Variants in DDX10 observed in about 807,000 individuals in gnomAD.
DDX10 encodes the protein DEAD-box helicase 10.
In DDX10, 74 loss-of-function variants were observed where a neutral mutation model predicts 104.3. That is an observed-to-expected ratio of 0.71 (90% confidence interval 0.59 to 0.86). DDX10 has a LOEUF of 0.86. Ranked by LOEUF, DDX10 falls within the 40% of genes least tolerant of loss-of-function variation. The pLI is 0.00. For missense variants in DDX10, 952 were observed against 1,040.0 expected (o/e 0.92, Z 1.16); for synonymous variants, 351 against 353.4 (o/e 0.99, Z 0.08).
intron 9 of DDX10, among the ~76,000 whole-genome samples, chr11:108,696,362 A>C (rs771590950): frequency 6.6e-6 from 1 of 152,102 alleles, no homozygotes; most frequent in Non-Finnish European, 1.5e-5. Context: ...TTTTTAGTAG[A>C]GATGGCGTTT....
At chr11:108,859,208 C>G (rs1862909032) in intron 16 of DDX10, among the ~76,000 whole-genome samples, 1 of 152,070 alleles carries the variant, frequency 6.6e-6, no homozygotes, top group African/African-American at 2.4e-5. Context: ...GCCATTAACT[C>G]TGAGAATAAG....
chr11:108,919,506 C>T (rs1415989518), intron 17 of DDX10: 2 of 152,148 alleles, frequency 1.3e-5, no homozygotes, highest in East Asian at 1.9e-4. Flanking sequence ...TATAAATGCA[C>T]CTCTTTTAGA....
At chr11:108,787,512 C>T (rs1051803420) in intron 13 of DDX10, among the ~76,000 whole-genome samples, 8 of 152,110 alleles carry the variant, frequency 5.3e-5, no homozygotes, top group Non-Finnish European at 7.4e-5. Context: ...CACATAATCC[C>T]ATATTACTCA....
rs1267407857 is a variant in DDX10, at chr11:108,915,432, G to GT, written c.2305-2428dup. Among the ~76,000 whole-genome samples, 609 of 116,956 alleles carry GT rather than the reference G, an allele frequency of 5.2e-3. 5 individuals are homozygous for GT. Among genetic ancestry groups the GT allele is most frequent in the African/African-American group, 0.019 (475 of 25,476 alleles). The allele number at this position is 116,956 out of a possible 152,430, so 76.7% of individuals were successfully genotyped here. Reference sequence around the variant, plus strand: ...CAGCTTCCCAATACTAAAAAGGCTTGTTTTTTTTTTTTTGGTTTTTTTTTT... The same window carrying GT: ...CAGCTTCCCAATACTAAAAAGGCTTGTTTTTTTTTTTTTTGGTTTTTTTTTT... On this transcript the variant is annotated intron_variant, in intron 16 of 17. Coordinates refer to ENST00000322536, the MANE Select transcript of DDX10 (RefSeq NM_004398.4).
chr11:108,831,216 C>T (rs1727641246), intron 13 of DDX10, among the ~76,000 whole-genome samples: 1 of 151,918 alleles, frequency 6.6e-6, no homozygotes, highest in Admixed American at 6.5e-5. Context: ...CCATCCTGGC[C>T]AACATGGTGA....
intron 13 of DDX10, among the ~76,000 whole-genome samples, chr11:108,745,177 C>T (rs1161203296): frequency 7.3e-6 from 1 of 136,668 alleles, no homozygotes; most frequent in Non-Finnish European, 1.6e-5. Flanking sequence ...TTCCTCCCTC[C>T]CCTCCCCTCC....
At position 108,894,786 on chromosome 11, in the gene DDX10, A is replaced by G. The variant is rs573656890; in HGVS notation, c.2305-23087A>G. 2.6e-5 allele frequency among the ~76,000 whole-genome samples: 4 copies of G among 152,170 alleles called. No homozygotes were observed. In the South Asian group the frequency reaches 8.3e-4, roughly 32 times the overall value. ...AAGGACAACTATGTGACTTTTTAAT[A>G]AAATAGTTATTATGAAATTTTGAGG... On this transcript the variant is annotated intron_variant, in intron 16 of 17. Coordinates refer to ENST00000322536, the MANE Select transcript of DDX10 (RefSeq NM_004398.4).
At chr11:108,888,877 T>G (rs1863337957) in intron 16 of DDX10, among the ~76,000 whole-genome samples, 1 of 152,168 alleles carries the variant, frequency 6.6e-6, no homozygotes, top group African/African-American at 2.4e-5. Context: ...TACAAGGTAG[T>G]ATGATTTAGT....
At chr11:108,846,423 C>T (rs1862718966) in intron 15 of DDX10, among the ~76,000 whole-genome samples, 1 of 152,158 alleles carries the variant, frequency 6.6e-6, no homozygotes, top group Admixed American at 6.5e-5. Flanking sequence ...TGCCCATCTC[C>T]CCTGCAAGCC....
intron 13 of DDX10, among the ~76,000 whole-genome samples, chr11:108,768,328 A>T (rs573832044): frequency 8.5e-5 from 13 of 152,284 alleles, no homozygotes; most frequent in Non-Finnish European, 1.3e-4. Flanking sequence ...TTGGGATGAA[A>T]GAATGAATTA....
chr11:108,912,847 A>G (rs1483437684), intron 16 of DDX10, among the ~76,000 whole-genome samples: 3 of 152,066 alleles, frequency 2.0e-5, no homozygotes, highest in East Asian at 3.9e-4. Flanking sequence ...CTATTCCTCT[A>G]CCTCCACCTC....
At chr11:108,773,189 GA>G (rs1329843510) in intron 13 of DDX10, among the ~76,000 whole-genome samples, 2 of 152,174 alleles carry the variant, frequency 1.3e-5, no homozygotes, top group Non-Finnish European at 2.9e-5. Context: ...TTATTGTTAT[GA>G]ACTTACGATA....
chr11:108,821,649 A>C (rs1862326631), intron 13 of DDX10, among the ~76,000 whole-genome samples: 1 of 152,172 alleles, frequency 6.6e-6, no homozygotes, highest in African/African-American at 2.4e-5. Flanking sequence ...CAGTTGCTCT[A>C]CTTTTGAAAG....
Position 108,754,918 on chromosome 11 carries a change from T to G in DDX10, c.1965+31456T>G, listed in dbSNP as rs571935078. On this transcript the variant is annotated intron_variant, in intron 13 of 17. Transcript: ENST00000322536. ...ACTGATACATTTACATCTGTTTAAT[T>G]TGAATATGCTAGCTCAAGTGAGCTC... is the stretch of plus-strand genomic sequence containing the variant. Among the ~76,000 whole-genome samples the G allele has an allele frequency of 7.2e-5, 11 of 152,170 alleles. No individual in the cohort carries two copies. The South Asian group carries it at 2.3e-3, about 32-fold the overall frequency.
chr11:108,756,476 A>G (rs981364513), intron 13 of DDX10, among the ~76,000 whole-genome samples: 17 of 152,046 alleles, frequency 1.1e-4, no homozygotes, highest in African/African-American at 3.9e-4. Flanking sequence ...ACTCAAGTTA[A>G]TTTACTCCAC....
At chr11:108,681,998 A>T (rs1462483064) in intron 6 of DDX10, among the ~76,000 whole-genome samples, 1 of 151,964 alleles carries the variant, frequency 6.6e-6, no homozygotes, top group Non-Finnish European at 1.5e-5. Flanking sequence ...CCCTTTAGAT[A>T]AATTAATTAT....
chr11:108,849,886 A>G (rs1016549768), intron 15 of DDX10, among the ~76,000 whole-genome samples: 2 of 152,116 alleles, frequency 1.3e-5, no homozygotes, highest in African/African-American at 4.8e-5. Flanking sequence ...GTCATATGTC[A>G]TAAACCGTCT....
intron 16 of DDX10, among the ~76,000 whole-genome samples, chr11:108,863,544 C>T (rs184892437): frequency 6.6e-6 from 1 of 152,268 alleles, no homozygotes; most frequent in East Asian, 1.9e-4. Flanking sequence ...TATTCTCAAG[C>T]TCATCCATTT....
At chr11:108,786,886 ATGT>A (rs1293717683) in intron 13 of DDX10, among the ~76,000 whole-genome samples, 2 of 152,078 alleles carry the variant, frequency 1.3e-5, no homozygotes, top group Non-Finnish European at 2.9e-5. Flanking sequence ...TCCTGTCTTT[ATGT>A]TGTTGGCTGT....
Sources: allele counts gnomAD v4.1 joint callset (sites outside exome capture counted in the v4.1 genomes callset), GRCh38; gene constraint gnomAD v4.1.1; transcripts MANE v1.5; gene names NCBI Gene and HGNC (gene_info 2026-07-23, HGNC 2026-07-21).